DYNC2H1: variants seen among roughly 807,000 people sequenced by gnomAD.
DYNC2H1 encodes the protein cytoplasmic dynein 2 heavy chain 1.
DYNC2H1 carries 410 observed loss-of-function variants against 570.0 expected under a neutral mutation model. The ratio of observed to expected loss-of-function variants is 0.72; its 90% CI spans 0.66 to 0.78. DYNC2H1 has a LOEUF of 0.78. DYNC2H1 is among the 30% of genes least tolerant of loss of function. The pLI is 0.00. For synonymous variants in DYNC2H1, 1,688 were observed against 1,677.6 expected (o/e 1.01, Z -0.15); for missense variants, 4,865 against 5,046.4 (o/e 0.96, Z 1.09).
intron 47 of DYNC2H1, among the ~76,000 whole-genome samples, chr11:103,196,441 T>G (rs946693713): frequency 6.6e-6 from 1 of 152,166 alleles, no homozygotes; most frequent in African/African-American, 2.4e-5. Context: ...ACACAGGTGC[T>G]CAATAGGTAA....
chr11:103,430,243 TG>T (rs1943838326), intron 84 of DYNC2H1, among the ~76,000 whole-genome samples: 1 of 152,046 alleles, frequency 6.6e-6, no homozygotes. Context: ...TGTACTAGAG[TG>T]TTTTTTTGTG....
In DYNC2H1 at chr11:103,275,059, A is replaced by C. The variant is rs1865856659; in HGVS notation, c.10696-5289A>C. On this transcript the variant is annotated intron_variant, in intron 70 of 88. Coordinates refer to ENST00000375735, the MANE Select transcript of DYNC2H1 (RefSeq NM_001377.3). This position sits in a 1 kb window ranked among gnomAD's most constrained non-coding sequence, Gnocchi z 4.8. ...CAGTGATCTGAGATTGCGCCACTGC[A>C]CTCCAGCCTGGGCGACAGTGAGAGA... Among the ~76,000 whole-genome samples, 1 of 152,166 alleles carries C rather than the reference A, an allele frequency of 6.6e-6. No individual in the cohort carries two copies. The highest frequency in any genetic ancestry group is 1.5e-5 in the Non-Finnish European group (1 of 68,032).
chr11:103,351,779 C>T (rs1253916772), intron 82 of DYNC2H1, among the ~76,000 whole-genome samples: 1 of 151,970 alleles, frequency 6.6e-6, no homozygotes, highest in Admixed American at 6.6e-5. Flanking sequence ...GCCTTTGTAA[C>T]ATTATTTGGA....
chr11:103,288,780 C>G (rs1232592947), intron 75 of DYNC2H1, among the ~76,000 whole-genome samples: 1 of 146,938 alleles, frequency 6.8e-6, no homozygotes, highest in African/African-American at 2.5e-5. Flanking sequence ...CCTCGGGAGG[C>G]TGAGGCAGGA....
At chr11:103,412,807 A>ATACATATAGAACTTTATTATATAAT (rs1293779527) in intron 84 of DYNC2H1, among the ~76,000 whole-genome samples, 1 of 152,232 alleles carries the variant, frequency 6.6e-6, no homozygotes, top group Non-Finnish European at 1.5e-5. Flanking sequence ...GTTCATACAT[A>ATACATATAGAACTTTATTATATAAT]TACATATAGA....
rs1270067904 is a variant in DYNC2H1, at chr11:103,181,762, A to G, written c.6353A>G (p.Glu2118Gly). The G allele has an allele frequency of 6.4e-7, 1 of 1,558,442 alleles. No homozygotes were observed. The highest frequency in any genetic ancestry group is 1.4e-5 in the African/African-American group (1 of 73,446). ...ATTTGTCTAAACTGTTTCAGTGATG[A>G]AGAGACAGATCTTAATTCTCTGATA... ...SRMGMIFLSD[E>G]ETDLNSLIKS... is the part of the protein sequence containing the mutation. The change falls in exon 40 of 89, where the codon GAA becomes GGA. Residue 2118 changes from glutamate to glycine, a missense_variant. By Grantham distance (98) the Glu-to-Gly change is moderately conservative (BLOSUM62 -2). This residue lies in a region of DYNC2H1 where 231 missense variants were observed against 310.3 expected (regional missense o/e 0.74). Coordinates refer to ENST00000375735, the MANE Select transcript of DYNC2H1 (RefSeq NM_001377.3). This position sits in a 1 kb window ranked among gnomAD's most constrained non-coding sequence, Gnocchi z 5.0.
At chr11:103,370,398 A>G (rs3910090) in intron 83 of DYNC2H1, among the ~76,000 whole-genome samples, 23,033 of 152,148 alleles carry the variant, frequency 0.15, 1,911 homozygotes, top group Admixed American at 0.24. Context: ...GGGGAAGCTC[A>G]CCAACCTGAA....
chr11:103,365,224 G>T (rs188995074), intron 83 of DYNC2H1, among the ~76,000 whole-genome samples: 10 of 152,076 alleles, frequency 6.6e-5, no homozygotes, highest in Non-Finnish European at 1.5e-4. Context: ...AGCTGGGCAT[G>T]GTGGCACATT....
At chr11:103,281,481 T>C (rs1866129674) in intron 71 of DYNC2H1, among the ~76,000 whole-genome samples, 1 of 152,060 alleles carries the variant, frequency 6.6e-6, no homozygotes, top group Non-Finnish European at 1.5e-5. Context: ...TGTGGCTGCA[T>C]AATTGTAATA....
chr11:103,204,211 C>T lies in DYNC2H1; in HGVS notation c.8311+435C>T, dbSNP rs555694712. 7.1e-4 allele frequency among the ~76,000 whole-genome samples: 108 copies of T among 152,180 alleles called. No individual in the cohort carries two copies. Among genetic ancestry groups the T allele is most frequent in the East Asian group, 3.5e-3 (18 of 5,162 alleles). On this transcript the variant is annotated intron_variant, in intron 51 of 88. Coordinates refer to ENST00000375735, the MANE Select transcript of DYNC2H1 (RefSeq NM_001377.3). The surrounding 1 kb of genome is among the most constrained non-coding windows in gnomAD (Gnocchi z 4.1). The stretch of plus-strand genomic sequence containing the variant: ...AGAATAGCATGGGAAATACCTGCCC[C>T]GCTCCATGATTCAATCATGTCCCAC...
rs1863286153 is a variant in DYNC2H1 at position 103,214,366 on chromosome 11, G to A, written c.8695-1355G>A. Among the ~76,000 whole-genome samples, 4 of 151,080 alleles carry A rather than the reference G, an allele frequency of 2.6e-5. No individual in the cohort carries two copies. The South Asian group carries it at 8.4e-4, about 32-fold the overall frequency. On this transcript the variant is annotated intron_variant, in intron 54 of 88. Transcript: ENST00000375735. Reference sequence around the variant, plus strand: ...AAAATTTCTGTGAAGAATGTAATTAGTATTTTCACAGATATTACATTGAAT... The same window carrying A: ...AAAATTTCTGTGAAGAATGTAATTAATATTTTCACAGATATTACATTGAAT...
rs1433457628 is a variant in DYNC2H1, at chr11:103,446,117, A to G, written c.12457-9069A>G. ...GCAAATTAAAAGTTCTAATTTGAAC[A>G]TGATAAGTTTAGATGTCTTTTAGAC... is the stretch of plus-strand genomic sequence containing the variant. On this transcript the variant is annotated intron_variant, in intron 85 of 88. Coordinates refer to ENST00000375735, the MANE Select transcript of DYNC2H1 (RefSeq NM_001377.3). The surrounding 1 kb of genome is among the most constrained non-coding windows in gnomAD (Gnocchi z 4.5). Among the ~76,000 whole-genome samples, 1 of 152,116 alleles carries G rather than the reference A, an allele frequency of 6.6e-6. No homozygotes were observed. Among genetic ancestry groups the G allele is most frequent in the Non-Finnish European group, 1.5e-5 (1 of 68,018 alleles).
At chr11:103,453,264 G>A (rs997242916) in intron 85 of DYNC2H1, among the ~76,000 whole-genome samples, 1 of 151,866 alleles carries the variant, frequency 6.6e-6, no homozygotes, top group Non-Finnish European at 1.5e-5. Flanking sequence ...GTATGCCTAC[G>A]ACTTTGTTCA....
At position 103,120,548 on chromosome 11, in the gene DYNC2H1, C is replaced by T; in HGVS notation, c.1101C>T (p.Gly367=). The change falls in exon 7 of 89, where the codon GGC becomes GGT. Residue 367 remains glycine, a synonymous_variant. Coordinates refer to ENST00000375735, the MANE Select transcript of DYNC2H1 (RefSeq NM_001377.3). ...CLTRVFEPFT[G]LNPVQYNPYT... ...CTCGAGTATTTGAACCTTTTACTGG[C>T]CTGAATCCTGTGCAATATAATCCAT... is the stretch of plus-strand genomic sequence containing the variant. 6.2e-7 allele frequency: 1 copy of T among 1,612,960 alleles called. No homozygotes were observed. The highest frequency in any genetic ancestry group is 8.5e-7 in the Non-Finnish European group (1 of 1,179,386).
In DYNC2H1 at chr11:103,228,148, G is replaced by A. The variant is rs538809674; in HGVS notation, c.9354-3112G>A. On this transcript the variant is annotated intron_variant, in intron 59 of 88. Transcript: ENST00000375735. The surrounding 1 kb of genome is among the most constrained non-coding windows in gnomAD (Gnocchi z 6.1). ...GAATTCTTATCCATTCTGCCATTGT[G>A]TATCTTTTAAGTGGAGCATTTACGC... Among the ~76,000 whole-genome samples, 1 of 152,228 alleles carries A rather than the reference G, an allele frequency of 6.6e-6. No individual in the cohort carries two copies. The highest frequency in any genetic ancestry group is 6.5e-5 in the Admixed American group (1 of 15,280).
At chr11:103,223,456 C>T (rs11827457) in intron 59 of DYNC2H1, among the ~76,000 whole-genome samples, 1 of 151,600 alleles carries the variant, frequency 6.6e-6, no homozygotes, top group Non-Finnish European at 1.5e-5. Context: ...GGTGTGATCT[C>T]GGCTCACCAA....
At position 103,395,266 on chromosome 11, in the gene DYNC2H1, T is replaced by A. The variant is rs1006495588; in HGVS notation, c.12157-4397T>A. Among the ~76,000 whole-genome samples, 5 of 152,012 alleles carry A rather than the reference T, an allele frequency of 3.3e-5. No individual in the cohort carries two copies. The highest frequency in any genetic ancestry group is 3.3e-4 in the Admixed American group (5 of 15,246). ...ATATGATTGAAAAGGTGTTAAAATG[T>A]TTTTTTCATAGCTTGTTTCAAGAAA... On this transcript the variant is annotated intron_variant, in intron 83 of 88. Transcript: ENST00000375735. This position sits in a 1 kb window ranked among gnomAD's most constrained non-coding sequence, Gnocchi z 4.3.
In DYNC2H1 at chr11:103,203,256, G is replaced by C. The variant is rs1257956808; in HGVS notation, c.8198-407G>C. 6.6e-6 allele frequency among the ~76,000 whole-genome samples: 1 copy of C among 152,072 alleles called. No individual in the cohort carries two copies. The highest frequency in any genetic ancestry group is 1.5e-5 in the Non-Finnish European group (1 of 68,002). On this transcript the variant is annotated intron_variant, in intron 50 of 88. Transcript: ENST00000375735. The surrounding 1 kb of genome is among the most constrained non-coding windows in gnomAD (Gnocchi z 4.7). ...ATGGGCAGTCAAGAAAGGCTTATGG[G>C]CATAGCAGTTAGGGAAGTAGCATCT... is the stretch of plus-strand genomic sequence containing the variant.
intron 88 of DYNC2H1, 114 bp downstream of exon 88, chr11:103,468,819 T>G: frequency 1.3e-6 from 1 of 746,122 alleles, no homozygotes; most frequent in South Asian, 2.3e-5. Flanking sequence ...TAATCTCACC[T>G]GCATTTGAAC....
Sources: allele counts gnomAD v4.1 joint callset (sites outside exome capture counted in the v4.1 genomes callset), GRCh38; gene constraint gnomAD v4.1.1; regional missense constraint gnomAD v4.1.1; non-coding constraint Gnocchi (gnomAD v3.1); transcripts MANE v1.5; gene names NCBI Gene and HGNC (gene_info 2026-07-23, HGNC 2026-07-21).